The following DPP10 variants were observed in gnomAD, a reference collection of about 807,000 sequenced individuals.
DPP10 encodes inactive dipeptidyl peptidase 10.
In DPP10, 33 loss-of-function variants were observed where a neutral mutation model predicts 120.9. That is an observed-to-expected ratio of 0.27 (90% CI 0.21 to 0.37). DPP10 has a LOEUF of 0.37. DPP10 is among the 10% of genes least tolerant of loss of function. The pLI is 1.00. For synonymous variants in DPP10, 337 were observed against 326.1 expected (o/e 1.03, Z -0.36); for missense variants, 816 against 942.8 (o/e 0.87, Z 1.76).
chr2:114,787,424 A>G (rs1416749625), intron 1 of DPP10, among the ~76,000 whole-genome samples: 1 of 152,234 alleles, frequency 6.6e-6, no homozygotes, highest in Non-Finnish European at 1.5e-5. Context: ...TGCATTGGAA[A>G]GCCCTGGAGA....
intron 1 of DPP10, among the ~76,000 whole-genome samples, chr2:115,239,929 A>G (rs1407592811): frequency 6.6e-6 from 1 of 152,142 alleles, no homozygotes; most frequent in Non-Finnish European, 1.5e-5. Flanking sequence ...AAAGGACATG[A>G]ACTCATCCTT....
chr2:115,241,196 G>A (rs2058261583), intron 1 of DPP10, among the ~76,000 whole-genome samples: 1 of 152,194 alleles, frequency 6.6e-6, no homozygotes, highest in African/African-American at 2.4e-5. Context: ...TTGAACCCGG[G>A]AGGCGGAGGT....
In DPP10 at chr2:115,328,172, C is replaced by A. The variant is rs552660116; in HGVS notation, c.176-15645C>A. Among the ~76,000 whole-genome samples the A allele has an allele frequency of 3.3e-5, 5 of 152,132 alleles. No individual in the cohort carries two copies. The East Asian group carries it at 9.7e-4, about 29-fold the overall frequency. On this transcript the variant is annotated intron_variant, in intron 2 of 25. Coordinates refer to ENST00000410059, the MANE Select transcript of DPP10 (RefSeq NM_020868.6). ...TAAATATGACTTTATAGAGCCATAA[C>A]ACTTTAGGGTAAAAGGAGGACATCA... is the stretch of plus-strand genomic sequence containing the variant.
chr2:115,317,817 C>A (rs1176014026), intron 2 of DPP10, among the ~76,000 whole-genome samples: 1 of 151,928 alleles, frequency 6.6e-6, no homozygotes, highest in Non-Finnish European at 1.5e-5. Context: ...AAGGGACTTG[C>A]TGGTTTTACT....
At chr2:115,646,977 A>G (rs1254027945) in intron 5 of DPP10, among the ~76,000 whole-genome samples, 1 of 152,184 alleles carries the variant, frequency 6.6e-6, no homozygotes, top group Non-Finnish European at 1.5e-5. Flanking sequence ...GGCTATAAAT[A>G]GGAAGTAAGA....
intron 1 of DPP10, among the ~76,000 whole-genome samples, chr2:114,584,780 A>G (rs1325516178): frequency 2.6e-5 from 4 of 151,926 alleles, no homozygotes; most frequent in African/African-American, 9.7e-5. Context: ...TTATTGTTAG[A>G]TATTAAGAAT....
intron 1 of DPP10, chr2:114,461,719 C>T (rs1678928369): frequency 5.1e-6 from 5 of 985,316 alleles, no homozygotes; most frequent in Non-Finnish European, 6.0e-6. Context: ...TAAAAGCCTC[C>T]TAGCCAGGGA....
chr2:114,979,805 A>G (rs1179498943), intron 1 of DPP10, among the ~76,000 whole-genome samples: 1 of 152,082 alleles, frequency 6.6e-6, no homozygotes, highest in Non-Finnish European at 1.5e-5. Flanking sequence ...CTTAAAACTT[A>G]TACAATACAA....
chr2:115,257,193 C>A (rs142848563), intron 1 of DPP10, among the ~76,000 whole-genome samples: 6 of 152,328 alleles, frequency 3.9e-5, no homozygotes, highest in Non-Finnish European at 7.3e-5. Flanking sequence ...ACTCTTCCAA[C>A]CCTTTCCTGT....
Position 115,768,336 on chromosome 2 carries a change from TTTATGACAGTGCCTG to T in DPP10, c.1157_1171del (p.Met386_Val390del). ...GTTTTCTAGAGACGGCAGCAAATTC[TTTATGACAGTGCCTG>T]TTAAGCAAGGGGGACGTGGAGAATT... On this transcript the variant is annotated inframe_deletion, in exon 13 of 26. Coordinates refer to ENST00000410059, the MANE Select transcript of DPP10 (RefSeq NM_020868.6). The T allele has an allele frequency of 6.2e-7, 1 of 1,613,702 alleles. No homozygotes were observed. Among genetic ancestry groups the T allele is most frequent in the South Asian group, 1.1e-5 (1 of 91,078 alleles).
chr2:114,660,197 C>T (rs1395811836), intron 1 of DPP10, among the ~76,000 whole-genome samples: 1 of 152,148 alleles, frequency 6.6e-6, no homozygotes, highest in Non-Finnish European at 1.5e-5. Context: ...GTGTTTCCTG[C>T]CTGATCATTA....
intron 1 of DPP10, among the ~76,000 whole-genome samples, chr2:114,780,121 G>A (rs909832294): frequency 6.6e-6 from 1 of 151,842 alleles, no homozygotes; most frequent in Non-Finnish European, 1.5e-5. Flanking sequence ...GGGTGACAAA[G>A]CGAGACTGCG....
chr2:114,474,256 G>A (rs930838431), intron 1 of DPP10, among the ~76,000 whole-genome samples: 2 of 152,116 alleles, frequency 1.3e-5, no homozygotes, highest in Non-Finnish European at 2.9e-5. Flanking sequence ...GCGCCCAGCC[G>A]CTTTTGCTAT....
intron 1 of DPP10, among the ~76,000 whole-genome samples, chr2:115,287,809 G>A (rs1209501044): frequency 6.6e-6 from 1 of 151,992 alleles, no homozygotes; most frequent in Non-Finnish European, 1.5e-5. Context: ...AAGGAGGTGA[G>A]GGATCTCTAC....
At chr2:115,334,861 A>C (rs1331596683) in intron 2 of DPP10, among the ~76,000 whole-genome samples, 1 of 152,016 alleles carries the variant, frequency 6.6e-6, no homozygotes, top group Non-Finnish European at 1.5e-5. Flanking sequence ...TTTTATGTAA[A>C]ACACAAAACA....
intron 1 of DPP10, among the ~76,000 whole-genome samples, chr2:114,768,627 C>A (rs925672808): frequency 6.6e-6 from 1 of 152,084 alleles, no homozygotes; most frequent in African/African-American, 2.4e-5. Context: ...TTAATCACAT[C>A]GGCAAAGTCC....
At chr2:115,789,872 G>GT (rs1683749074) in intron 17 of DPP10, among the ~76,000 whole-genome samples, 1 of 152,056 alleles carries the variant, frequency 6.6e-6, no homozygotes, top group Non-Finnish European at 1.5e-5. Flanking sequence ...AATCCATGGA[G>GT]TATCTAGGAA....
At chr2:114,644,332 C>T (rs2105446644) in intron 1 of DPP10, among the ~76,000 whole-genome samples, 1 of 148,928 alleles carries the variant, frequency 6.7e-6, no homozygotes, top group African/African-American at 2.6e-5. Context: ...ATAGTTTCCT[C>T]TGTGTGTGTC....
At chr2:114,503,756 C>T (rs955048975) in intron 1 of DPP10, among the ~76,000 whole-genome samples, 1 of 152,166 alleles carries the variant, frequency 6.6e-6, no homozygotes, top group Admixed American at 6.5e-5. Flanking sequence ...GTTTGTAAAG[C>T]TTGCTGAGAT....
Sources: allele counts gnomAD v4.1 joint callset (sites outside exome capture counted in the v4.1 genomes callset), GRCh38; gene constraint gnomAD v4.1.1; transcripts MANE v1.5; gene names NCBI Gene and HGNC (gene_info 2026-07-23, HGNC 2026-07-21).